Variants in ADAM22 observed in about 807,000 individuals in gnomAD.
ADAM22 encodes the protein ADAM metallopeptidase domain 22.
A neutral mutation model predicts 144.6 loss-of-function variants in ADAM22; 65 were observed. The ratio of observed to expected loss-of-function variants is 0.45; its 90% confidence interval spans 0.37 to 0.55. The LOEUF is 0.55. ADAM22 is among the 20% of genes least tolerant of loss of function. The pLI is 0.00. For synonymous variants in ADAM22, 391 were observed against 412.6 expected, an observed-to-expected ratio of 0.95 and a Z score of 0.63; for missense variants, 974 against 1,184.9, an observed-to-expected ratio of 0.82 and a Z score of 2.61.
intron 31 of ADAM22, among the ~76,000 whole-genome samples, chr7:88,195,372 C>G (rs1850446170): frequency 6.6e-6 from 1 of 152,036 alleles, no homozygotes; most frequent in Non-Finnish European, 1.5e-5. Flanking sequence ...AGAAATTTGA[C>G]CGGAACAGGG....
chr7:87,974,281 G>A (rs1312723560), intron 2 of ADAM22, among the ~76,000 whole-genome samples: 8 of 147,152 alleles, frequency 5.4e-5, no homozygotes, highest in African/African-American at 1.8e-4. Flanking sequence ...TCCAGCCTGG[G>A]CGACAGAGCG....
intron 3 of ADAM22, among the ~76,000 whole-genome samples, chr7:88,017,518 T>C (rs1796805828): frequency 6.6e-6 from 1 of 152,190 alleles, no homozygotes; most frequent in African/African-American, 2.4e-5. Flanking sequence ...CAATTTGCTA[T>C]ATATGTAGGT....
chr7:88,175,442 G>T (rs979381163), intron 26 of ADAM22, among the ~76,000 whole-genome samples: 1 of 152,068 alleles, frequency 6.6e-6, no homozygotes, highest in Non-Finnish European at 1.5e-5. Flanking sequence ...GGGATGTATC[G>T]ATTCAAAACA....
In ADAM22 at chr7:88,090,287, C is replaced by G. The variant is rs571828836; in HGVS notation, c.390+14595C>G. Reference sequence around the variant, plus strand: ...AGAGAACCCTCAGGTGCAGGTGTTACAGGTTGTGGCATGAGCATGCAGGTA... The same window carrying G: ...AGAGAACCCTCAGGTGCAGGTGTTAGAGGTTGTGGCATGAGCATGCAGGTA... On this transcript the variant is annotated intron_variant, in intron 4 of 31. Coordinates refer to ENST00000413139, the MANE Select transcript of ADAM22 (RefSeq NM_001324418.2). 7.9e-5 allele frequency among the ~76,000 whole-genome samples: 12 copies of G among 152,292 alleles called. No individual in the cohort carries two copies. The South Asian group carries it at 2.5e-3, about 32-fold the overall frequency.
At chr7:88,070,482 T>G (rs2129478540) in intron 3 of ADAM22, among the ~76,000 whole-genome samples, 1 of 152,316 alleles carries the variant, frequency 6.6e-6, no homozygotes, top group Non-Finnish European at 1.5e-5. Context: ...TGGCAGCACC[T>G]TGGATTAGAT....
intron 3 of ADAM22, among the ~76,000 whole-genome samples, chr7:88,028,438 G>A (rs1419155417): frequency 6.6e-6 from 1 of 152,146 alleles, no homozygotes; most frequent in African/African-American, 2.4e-5. Flanking sequence ...GTGCTGAGGA[G>A]AAGAATGTGT....
chr7:88,134,259 AT>A, intron 12 of ADAM22, 69 bp from the exon 13 acceptor site: 1 of 1,230,690 alleles, frequency 8.1e-7, no homozygotes. Context: ...ATATTGTGAC[AT>A]TTTTCTCTGG....
intron 4 of ADAM22, among the ~76,000 whole-genome samples, chr7:88,083,692 C>A (rs1817617825): frequency 6.7e-6 from 1 of 148,536 alleles, no homozygotes; most frequent in African/African-American, 2.5e-5. Flanking sequence ...GTAAATACCT[C>A]CTGTATACCT....
At chr7:88,145,317 A>G (rs1836053520) in intron 16 of ADAM22, 98 bp from the exon 17 acceptor site, 1 of 1,491,872 alleles carries the variant, frequency 6.7e-7, no homozygotes, top group East Asian at 2.3e-5. Context: ...TGGAAGAAAA[A>G]TTATTGTGAG....
intron 5 of ADAM22, among the ~76,000 whole-genome samples, chr7:88,111,792 CAT>C (rs1433966442): frequency 6.6e-6 from 1 of 151,938 alleles, no homozygotes; most frequent in Non-Finnish European, 1.5e-5. Flanking sequence ...ATATAAAACA[CAT>C]GTATTTTTTC....
At chr7:88,133,560 A>G (rs1367431248) in intron 12 of ADAM22, among the ~76,000 whole-genome samples, 1 of 152,094 alleles carries the variant, frequency 6.6e-6, no homozygotes, top group Non-Finnish European at 1.5e-5. Context: ...GAGAATCTTT[A>G]CCTTTACCTT....
intron 4 of ADAM22, among the ~76,000 whole-genome samples, chr7:88,086,547 A>G: frequency 6.6e-6 from 1 of 152,260 alleles, no homozygotes; most frequent in East Asian, 1.9e-4. Flanking sequence ...TTAATGGGAC[A>G]TATTAATCTT....
At chr7:87,958,566 A>C (rs554627225) in intron 2 of ADAM22, among the ~76,000 whole-genome samples, 2 of 151,814 alleles carry the variant, frequency 1.3e-5, no homozygotes, top group Non-Finnish European at 2.9e-5. Flanking sequence ...TTGTATTTTT[A>C]GTAGAGATGG....
chr7:88,163,208 T>C (rs1842158866), intron 23 of ADAM22, 28 bp downstream of exon 23: 1 of 1,535,030 alleles, frequency 6.5e-7, no homozygotes, highest in Non-Finnish European at 8.7e-7. Flanking sequence ...TGTCAGAATC[T>C]ATTTCTTTTA....
intron 14 of ADAM22, among the ~76,000 whole-genome samples, chr7:88,140,658 C>T (rs540809060): frequency 8.5e-5 from 13 of 152,048 alleles, no homozygotes; most frequent in South Asian, 8.3e-4. Context: ...GCCTGGGCAA[C>T]GTGGGGAAAC....
chr7:88,125,408 T>C (rs1830169788), intron 7 of ADAM22, among the ~76,000 whole-genome samples, 181 bp from the exon 8 acceptor site: 1 of 152,028 alleles, frequency 6.6e-6, no homozygotes, highest in East Asian at 1.9e-4. Context: ...GCAAATTATA[T>C]TCATCCTTTA....
At chr7:87,948,029 T>A (rs1278831877) in intron 2 of ADAM22, among the ~76,000 whole-genome samples, 1 of 152,092 alleles carries the variant, frequency 6.6e-6, no homozygotes, top group Admixed American at 6.6e-5. Flanking sequence ...CCTGGACAAT[T>A]GTTTCTTCTC....
intron 2 of ADAM22, among the ~76,000 whole-genome samples, chr7:87,976,320 G>T (rs771633698): frequency 1.3e-5 from 2 of 152,200 alleles, no homozygotes; most frequent in Non-Finnish European, 2.9e-5. Flanking sequence ...AGGTGATTAA[G>T]ATTACATGAG....
intron 29 of ADAM22, among the ~76,000 whole-genome samples, chr7:88,185,673 TC>T (rs1848132326): frequency 6.6e-6 from 1 of 152,282 alleles, no homozygotes; most frequent in South Asian, 2.1e-4. Context: ...TTTGCTTGGC[TC>T]CCAGGGTAAA....
Sources: gnomAD v4.1 joint callset for allele counts (sites outside exome capture counted in the v4.1 genomes callset) on GRCh38, gnomAD v4.1.1 for gene constraint, MANE v1.5 for transcripts, NCBI Gene and HGNC (gene_info 2026-07-23, HGNC 2026-07-21) for gene names.